PLCL1: variants seen among roughly 807,000 people sequenced by gnomAD.
PLCL1 encodes the protein inactive phospholipase C-like protein 1.
PLCL1 carries 41 observed loss-of-function variants against 84.4 expected under a neutral mutation model. The ratio of observed to expected loss-of-function variants is 0.49; its 90% confidence interval spans 0.38 to 0.63. PLCL1 has a LOEUF of 0.63. Ranked by LOEUF, PLCL1 falls within the 30% of genes least tolerant of loss-of-function variation. The pLI, the probability that PLCL1 is intolerant of heterozygous loss-of-function variation, is 0.00. For missense variants in PLCL1, 1,206 were observed against 1,367.8 expected, an observed-to-expected ratio of 0.88 and a Z score of 1.87; for synonymous variants, 490 against 488.3, an observed-to-expected ratio of 1.00 and a Z score of -0.05.
At chr2:198,096,770 A>C (rs1304216880) in intron 3 of PLCL1, among the ~76,000 whole-genome samples, 3 of 152,196 alleles carry the variant, frequency 2.0e-5, no homozygotes, top group Non-Finnish European at 4.4e-5. Context: ...TTTGGAGAGC[A>C]GTTGATAGTG....
At chr2:198,003,123 A>G (rs1274075500) in intron 1 of PLCL1, among the ~76,000 whole-genome samples, 4 of 152,186 alleles carry the variant, frequency 2.6e-5, no homozygotes, top group East Asian at 3.8e-4. Flanking sequence ...ACTACACAGA[A>G]TCATAAGAAA....
Position 197,910,638 on chromosome 2 carries a change from G to A in PLCL1, c.240+105299G>A, listed in dbSNP as rs537469400. Among the ~76,000 whole-genome samples the A allele has an allele frequency of 4.6e-5, 7 of 152,232 alleles. No homozygotes were observed. In the South Asian group the frequency reaches 1.5e-3, roughly 32 times the overall value. ...ATCCTATTCATCTCTGTTCTCACAGGCTTCTGATATCAAACCATATTCCTT... is the reference window on the plus strand; with the variant it reads ...ATCCTATTCATCTCTGTTCTCACAGACTTCTGATATCAAACCATATTCCTT... On this transcript the variant is annotated intron_variant, in intron 1 of 5. Coordinates refer to ENST00000428675, the MANE Select transcript of PLCL1 (RefSeq NM_006226.4).
chr2:197,922,781 C>T (rs1179694185), intron 1 of PLCL1, among the ~76,000 whole-genome samples: 1 of 118,714 alleles, frequency 8.4e-6, no homozygotes, highest in Non-Finnish European at 1.8e-5. Context: ...AGGGGGCTGA[C>T]CCCCCCACCT....
At chr2:198,059,882 G>A (rs557996847) in intron 1 of PLCL1, among the ~76,000 whole-genome samples, 70 of 152,274 alleles carry the variant, frequency 4.6e-4, no homozygotes, top group African/African-American at 1.7e-3. Context: ...GGGGCTTTGC[G>A]CTGTCTTGGG....
intron 1 of PLCL1, among the ~76,000 whole-genome samples, chr2:197,923,265 C>G (rs1574950708): frequency 6.8e-6 from 1 of 146,646 alleles, no homozygotes. Flanking sequence ...CTGACCCCCC[C>G]CACCTCCCTC....
At position 198,085,880 on chromosome 2, in the gene PLCL1, T is replaced by C. The variant is rs1692864883; in HGVS notation, c.2363T>C (p.Leu788Pro). 6.2e-7 allele frequency: 1 copy of C among 1,614,122 alleles called. No individual in the cohort carries two copies. Among genetic ancestry groups the C allele is most frequent in the Non-Finnish European group, 8.5e-7 (1 of 1,179,944 alleles). The change falls in exon 2 of 6, where the codon CTA (leucine) becomes CCA (proline). Residue 788 changes from leucine to proline, a missense_variant. Physicochemically the swap from Leu to Pro is moderately conservative, Grantham distance 98 (BLOSUM62 -3). Transcript: ENST00000428675. This position sits in a 1 kb window ranked among gnomAD's most constrained non-coding sequence, Gnocchi z 5.3. ...FDETFEFQVN[L>P]PELAMIRFVV... ...GAAACTTTTGAGTTCCAAGTAAACC[T>C]ACCTGAGCTGGCCATGATCCGTTTT...
rs111406886 is a variant in PLCL1 at position 197,813,716 on chromosome 2, G to A, written c.240+8377G>A. Among the ~76,000 whole-genome samples, 9 of 152,156 alleles carry A rather than the reference G, an allele frequency of 5.9e-5. 1 individual carries two copies. The highest frequency in any genetic ancestry group is 2.2e-4 in the African/African-American group (9 of 41,514). On this transcript the variant is annotated intron_variant, in intron 1 of 5. Transcript: ENST00000428675. ...AATTCTCACAATAACCATATGATAT[G>A]CATATTATTATTATCTCGATTTTTA...
At chr2:198,053,886 A>G (rs771507404) in intron 1 of PLCL1, among the ~76,000 whole-genome samples, 11 of 152,180 alleles carry the variant, frequency 7.2e-5, no homozygotes, top group South Asian at 4.1e-4. Flanking sequence ...TGTGTAGAGC[A>G]TGTCAAAGAA....
chr2:197,804,955 G>T lies in PLCL1; in HGVS notation c.-145G>T. The T allele has an allele frequency of 9.6e-7, 1 of 1,037,390 alleles. No individual in the cohort carries two copies. Among genetic ancestry groups the T allele is most frequent in the Non-Finnish European group, 1.3e-6 (1 of 748,068 alleles). 64.3% of individuals were successfully genotyped at this position (1,037,390 alleles called of 1,614,324 possible). A position where few individuals can be genotyped will look rare whatever the true frequency, so the allele number is the denominator to read the frequency against. On this transcript the variant is annotated 5_prime_UTR_variant, in exon 1 of 6. Coordinates refer to ENST00000428675, the MANE Select transcript of PLCL1 (RefSeq NM_006226.4). ...TCTCCAGAAAGTTGCCGCCGCCGCCGCCGCCGCCGCCACTGCCGCCGCTGG... is the reference window on the plus strand; with the variant it reads ...TCTCCAGAAAGTTGCCGCCGCCGCCTCCGCCGCCGCCACTGCCGCCGCTGG...
chr2:197,941,492 A>G (rs1689157251), intron 1 of PLCL1, among the ~76,000 whole-genome samples: 2 of 152,060 alleles, frequency 1.3e-5, no homozygotes, highest in Non-Finnish European at 2.9e-5. Context: ...GGGTCTTACT[A>G]TGTTTCCCAG....
chr2:197,832,081 T>A (rs903032579), intron 1 of PLCL1, among the ~76,000 whole-genome samples: 13 of 152,130 alleles, frequency 8.5e-5, no homozygotes, highest in Admixed American at 8.5e-4. Context: ...CACCCCAGCA[T>A]CACGATTAAA....
intron 1 of PLCL1, chr2:197,810,417 C>G: frequency 2.1e-6 from 1 of 467,908 alleles, no homozygotes; most frequent in Admixed American, 3.1e-5. Context: ...TTTGTTTTCC[C>G]TTTTGGAAAA....
At chr2:197,832,525 A>G (rs932371755) in intron 1 of PLCL1, among the ~76,000 whole-genome samples, 2 of 152,194 alleles carry the variant, frequency 1.3e-5, no homozygotes, top group Non-Finnish European at 2.9e-5. Flanking sequence ...CTACCAACCA[A>G]AAAAAGCCTA....
intron 1 of PLCL1, among the ~76,000 whole-genome samples, chr2:197,964,141 A>G (rs1414793109): frequency 6.6e-6 from 1 of 152,052 alleles, no homozygotes; most frequent in East Asian, 1.9e-4. Flanking sequence ...GAAGAATGTC[A>G]TTGGTATTTT....
chr2:197,852,104 A>G (rs940963310), intron 1 of PLCL1, among the ~76,000 whole-genome samples: 4 of 152,194 alleles, frequency 2.6e-5, no homozygotes, highest in Non-Finnish European at 5.9e-5. Context: ...CATGTTTTTG[A>G]TGTACCGGGT....
intron 1 of PLCL1, among the ~76,000 whole-genome samples, chr2:197,870,034 C>T (rs886841149): frequency 6.6e-6 from 1 of 151,910 alleles, no homozygotes; most frequent in Non-Finnish European, 1.5e-5. Flanking sequence ...TAAAGATTCC[C>T]GTGTATCTGG....
chr2:198,139,150 C>A (rs991472514), intron 5 of PLCL1, among the ~76,000 whole-genome samples: 1 of 151,576 alleles, frequency 6.6e-6, no homozygotes, highest in South Asian at 2.1e-4. Context: ...AGCAAAACTC[C>A]GTCTCAAAAT....
intron 1 of PLCL1, among the ~76,000 whole-genome samples, chr2:197,983,184 CT>C (rs1336700340): frequency 3.7e-5 from 3 of 81,950 alleles, no homozygotes; most frequent in Admixed American, 1.2e-4. Context: ...TTTTCTTTTT[CT>C]TTTTCTTTTC....
chr2:197,914,801 T>C (rs2105749241), intron 1 of PLCL1, among the ~76,000 whole-genome samples: 1 of 152,326 alleles, frequency 6.6e-6, no homozygotes, highest in East Asian at 1.9e-4. Context: ...TTCTTGTCTT[T>C]GGCTCACTTT....
Sources: gnomAD v4.1 joint callset for allele counts (sites outside exome capture counted in the v4.1 genomes callset) on GRCh38, gnomAD v4.1.1 for gene constraint, Gnocchi (gnomAD v3.1) non-coding constraint, MANE v1.5 for transcripts, NCBI Gene and HGNC (gene_info 2026-07-23, HGNC 2026-07-21) for gene names.